SEMA3A: variants seen among roughly 807,000 people sequenced by gnomAD.
SEMA3A encodes semaphorin 3A.
SEMA3A carries 29 observed loss-of-function variants against 97.9 expected under a neutral mutation model. The observed-to-expected ratio is 0.30, with a 90% CI of 0.22 to 0.40. The LOEUF (loss-of-function observed/expected upper bound fraction) is 0.40. SEMA3A is among the 10% of genes least tolerant of loss of function. The pLI is 1.00. For missense variants in SEMA3A, 763 were observed against 951.3 expected, an observed-to-expected ratio of 0.80 and a Z score of 2.60; for synonymous variants, 321 against 323.7, an observed-to-expected ratio of 0.99 and a Z score of 0.09.
At chr7:84,171,641 A>G (rs1562829379) in intron 1 of SEMA3A, among the ~76,000 whole-genome samples, 1 of 152,182 alleles carries the variant, frequency 6.6e-6, no homozygotes, top group East Asian at 1.9e-4. Context: ...TACAAATAAT[A>G]TCTTAAACAG....
intron 3 of SEMA3A, among the ~76,000 whole-genome samples, chr7:84,122,565 G>T (rs971532956): frequency 2.6e-5 from 4 of 152,068 alleles, no homozygotes; most frequent in African/African-American, 9.7e-5. Flanking sequence ...TTATTTGATA[G>T]GCTCCCAAAT....
intron 4 of SEMA3A, among the ~76,000 whole-genome samples, chr7:84,105,061 G>A (rs187275219): frequency 2.0e-5 from 3 of 152,152 alleles, no homozygotes; most frequent in East Asian, 1.9e-4. Flanking sequence ...AATGAATCTC[G>A]ACTTTTCTCA....
chr7:84,210,650 T>C (rs1296054103), intron 3 of SEMA3A, among the ~76,000 whole-genome samples: 1 of 152,112 alleles, frequency 6.6e-6, no homozygotes, highest in East Asian at 1.9e-4. Context: ...GAAAACGGAA[T>C]ATGGTTGCAG....
intron 3 of SEMA3A, among the ~76,000 whole-genome samples, chr7:84,256,907 A>G (rs1799730453): frequency 6.6e-6 from 1 of 152,104 alleles, no homozygotes; most frequent in African/African-American, 2.4e-5. Context: ...TGGTGAAGCA[A>G]TAATGGATGC....
At chr7:84,127,506 C>T (rs1795834669) in intron 3 of SEMA3A, among the ~76,000 whole-genome samples, 4 of 152,126 alleles carry the variant, frequency 2.6e-5, no homozygotes, top group Admixed American at 2.6e-4. Flanking sequence ...AGCAGTACCC[C>T]TGAATAAAGT....
Position 84,011,220 on chromosome 7 carries a change from T to G in SEMA3A, c.888A>C (p.Pro296=). ...AATGAGTGTCAATGCCATTTGGACC[T>G]GGCACTGAGCAAATCAGACGAGCTT... ...FLKARLICSV[P]GPNGIDTHFD... Residue 296 remains proline, a synonymous_variant, in exon 8 of 17, where the codon CCA becomes CCC. Coordinates refer to ENST00000265362, the MANE Select transcript of SEMA3A (RefSeq NM_006080.3). 1.2e-6 allele frequency: 2 copies of G among 1,613,974 alleles called. No homozygotes were observed. Among genetic ancestry groups the G allele is most frequent in the Non-Finnish European group, 1.7e-6 (2 of 1,179,844 alleles).
At chr7:84,423,059 T>A (rs1186316370) in intron 1 of SEMA3A, among the ~76,000 whole-genome samples, 1 of 152,090 alleles carries the variant, frequency 6.6e-6, no homozygotes, top group African/African-American at 2.4e-5. Context: ...GGCATTATAA[T>A]GCTGAATAAA....
chr7:84,320,446 T>C (rs1452810093), intron 2 of SEMA3A, among the ~76,000 whole-genome samples: 11 of 152,282 alleles, frequency 7.2e-5, no homozygotes, highest in Admixed American at 3.9e-4. Context: ...ATCTAAGTAG[T>C]TGTTTCCTAT....
At chr7:84,277,095 G>A (rs1361042776) in intron 3 of SEMA3A, among the ~76,000 whole-genome samples, 1 of 151,976 alleles carries the variant, frequency 6.6e-6, no homozygotes, top group African/African-American at 2.4e-5. Context: ...GATAAGATTG[G>A]ACAAAATGGC....
At chr7:83,970,992 T>C (rs938637314) in intron 15 of SEMA3A, among the ~76,000 whole-genome samples, 1 of 152,230 alleles carries the variant, frequency 6.6e-6, no homozygotes, top group African/African-American at 2.4e-5. Context: ...AAGACTAATT[T>C]AACTTCCAGT....
In SEMA3A at chr7:83,988,944, G is replaced by A. The variant is rs531214846; in HGVS notation, c.1453-3467C>T. On this transcript the variant is annotated intron_variant, in intron 12 of 16. Transcript: ENST00000265362. ...GCGATCTCGGCTCACTGCAGGATCC[G>A]CACCCCCCCGATATTCAGCTTTTTT... Among the ~76,000 whole-genome samples the A allele has an allele frequency of 3.2e-3, 471 of 146,172 alleles. 2 individuals are homozygous for A. Among genetic ancestry groups the A allele is most frequent in the African/African-American group, 0.011 (433 of 39,306 alleles).
chr7:84,144,199 G>A (rs545290969), intron 1 of SEMA3A, among the ~76,000 whole-genome samples: 1 of 151,970 alleles, frequency 6.6e-6, no homozygotes, highest in South Asian at 2.1e-4. Context: ...GTTCACAGAA[G>A]AAAATATATT....
At chr7:84,472,966 G>A (rs762367958) in intron 1 of SEMA3A, among the ~76,000 whole-genome samples, 5 of 152,002 alleles carry the variant, frequency 3.3e-5, no homozygotes, top group Non-Finnish European at 5.9e-5. Context: ...CATTAAAAAC[G>A]GTACTGTATA....
intron 1 of SEMA3A, among the ~76,000 whole-genome samples, chr7:84,487,105 A>C (rs1272998969): frequency 2.7e-4 from 41 of 152,192 alleles, no homozygotes; most frequent in Admixed American, 2.6e-3. Flanking sequence ...TAATATTAAA[A>C]ATTTATACCC....
At chr7:84,010,960 G>C in intron 9 of SEMA3A, 62 bp downstream of exon 9, 1 of 1,245,240 alleles carries the variant, frequency 8.0e-7, no homozygotes, top group Admixed American at 2.2e-5. Context: ...TGCAAATTAT[G>C]AGTACTTGGA....
rs556853568 is a variant in SEMA3A at position 84,435,489 on chromosome 7, TC to T, written c.-246+56970del. Among the ~76,000 whole-genome samples the T allele has an allele frequency of 2.4e-4, 36 of 152,278 alleles. 1 individual carries two copies. The East Asian group carries it at 4.6e-3, about 20-fold the overall frequency. ...TGGGCATAATGGTGCGTGCCTATAG[TC>T]CCAGCTACTCGGGTGGTTGAGGCAG... is the stretch of plus-strand genomic sequence containing the variant. On this transcript the variant is annotated intron_variant, in intron 1 of 3. Transcript: ENST00000424555.
chr7:84,421,978 C>CT (rs1562941341), intron 1 of SEMA3A, among the ~76,000 whole-genome samples: 1 of 151,888 alleles, frequency 6.6e-6, no homozygotes, highest in African/African-American at 2.4e-5. Context: ...CTGACATTTT[C>CT]TTTTTTTGTT....
At chr7:84,317,833 G>A (rs189588797) in intron 2 of SEMA3A, among the ~76,000 whole-genome samples, 1 of 151,966 alleles carries the variant, frequency 6.6e-6, no homozygotes, top group African/African-American at 2.4e-5. Flanking sequence ...ATGCAAAACA[G>A]TATTAAAAAT....
intron 2 of SEMA3A, among the ~76,000 whole-genome samples, chr7:84,313,453 T>A (rs1320751881): frequency 6.9e-6 from 1 of 145,690 alleles, no homozygotes; most frequent in African/African-American, 2.5e-5. Flanking sequence ...GCTACAGTTA[T>A]GAACCTTGAT....
Sources: allele counts gnomAD v4.1 joint callset (sites outside exome capture counted in the v4.1 genomes callset), GRCh38; gene constraint gnomAD v4.1.1; transcripts MANE v1.5; gene names NCBI Gene and HGNC (gene_info 2026-07-23, HGNC 2026-07-21).